Variants in SLCO4C1 observed in about 807,000 individuals in gnomAD.
The protein encoded by SLCO4C1 is solute carrier organic anion transporter family member 4C1, also known as organic anion transporter M1.
A neutral mutation model predicts 72.1 loss-of-function variants in SLCO4C1; 58 were observed. The observed-to-expected ratio is 0.80, with a 90% CI of 0.65 to 1.00. The LOEUF is 1.00. SLCO4C1 is among the 50% of genes least tolerant of loss of function. The pLI is 0.00. For missense variants in SLCO4C1, 898 were observed against 857.9 expected (o/e 1.05, Z -0.58); for synonymous variants, 297 against 312.5 (o/e 0.95, Z 0.52).
intron 1 of SLCO4C1, among the ~76,000 whole-genome samples, chr5:102,293,414 C>T (rs1449608139): frequency 6.6e-6 from 1 of 152,020 alleles, no homozygotes; most frequent in African/African-American, 2.4e-5. Context: ...CTATGCTATA[C>T]AAGTTCCAAG....
At chr5:102,270,900 T>G in intron 2 of SLCO4C1, 94 bp from the exon 3 acceptor site, 1 of 924,172 alleles carries the variant, frequency 1.1e-6, no homozygotes, top group Non-Finnish European at 1.6e-6. Context: ...TAATATAACC[T>G]TATTTATTTC....
intron 3 of SLCO4C1, among the ~76,000 whole-genome samples, chr5:102,268,994 T>A (rs1749098277): frequency 1.3e-5 from 2 of 152,014 alleles, no homozygotes; most frequent in African/African-American, 4.8e-5. Flanking sequence ...CTTAAATATA[T>A]CATCCAATTG....
At chr5:102,273,079 G>A (rs1749183398) in intron 2 of SLCO4C1, among the ~76,000 whole-genome samples, 1 of 151,976 alleles carries the variant, frequency 6.6e-6, no homozygotes, top group Admixed American at 6.6e-5. Context: ...CAGAAATGGA[G>A]GTCACCCTGG....
chr5:102,294,929 C>T (rs753216959), intron 1 of SLCO4C1, among the ~76,000 whole-genome samples: 63 of 152,300 alleles, frequency 4.1e-4, no homozygotes, highest in Non-Finnish European at 7.5e-4. Flanking sequence ...CCAATTAATC[C>T]TTGACTGATT....
Position 102,257,226 on chromosome 5 carries a change from G to T in SLCO4C1, c.1358C>A (p.Thr453Lys), listed in dbSNP as rs189281809. The part of the protein sequence containing the change: ...VSKFRMTCKN[T>K]MKFALFTSGV... ...AGATGTGAACAGTGCAAACTTCATT[G>T]TGTTTTTACATGTCATTCTGAATTT... The change falls in exon 8 of 13, where the codon ACA (threonine) becomes AAA (lysine). Residue 453 changes from threonine to lysine, a missense_variant. Transcript: ENST00000310954. The T allele has an allele frequency of 2.3e-5, 37 of 1,611,208 alleles. No homozygotes were observed. In the East Asian group the frequency reaches 6.7e-4, roughly 29 times the overall value.
chr5:102,291,457 C>T lies in SLCO4C1; in HGVS notation c.505G>A (p.Gly169Arg), dbSNP rs377159776. ...SLFVSFFGER[G>R]HKPRWLAFAA... The stretch of plus-strand genomic sequence containing the variant: ...AATGCAAGCCATCTCGGCTTATGTC[C>T]TCTTTCACCAAAGAATGATACAAAT... Residue 169 changes from glycine to arginine, a missense_variant, in exon 2 of 13, where the codon GGA becomes AGA. By Grantham distance (125) the Gly-to-Arg change is moderately radical. Transcript: ENST00000310954. 2 of 1,613,990 alleles carry T rather than the reference C, an allele frequency of 1.2e-6. No homozygotes were observed. Among genetic ancestry groups the T allele is most frequent in the African/African-American group, 2.7e-5 (2 of 74,918 alleles).
chr5:102,291,183 T>C (rs1749541368), intron 2 of SLCO4C1, among the ~76,000 whole-genome samples, 160 bp downstream of exon 2: 1 of 152,202 alleles, frequency 6.6e-6, no homozygotes, highest in South Asian at 2.1e-4. Context: ...GTCTCTCTAA[T>C]CTCCTATCTC....
intron 8 of SLCO4C1, among the ~76,000 whole-genome samples, chr5:102,255,551 A>C (rs531620022): frequency 6.6e-6 from 1 of 152,310 alleles, no homozygotes; most frequent in Admixed American, 6.5e-5. Flanking sequence ...CTAGACACAT[A>C]ATCTAAGTTC....
At chr5:102,270,586 A>T in intron 3 of SLCO4C1, 38 bp downstream of exon 3, 3 of 1,508,962 alleles carry the variant, frequency 2.0e-6, no homozygotes, top group Middle Eastern at 1.8e-4. Context: ...AAATAATAAG[A>T]TAAAGTGATA....
intron 9 of SLCO4C1, among the ~76,000 whole-genome samples, chr5:102,249,209 G>C (rs1748691183): frequency 6.6e-6 from 1 of 151,688 alleles, no homozygotes; most frequent in Non-Finnish European, 1.5e-5. Flanking sequence ...AGCTAAACAT[G>C]GATCAAAAAT....
intron 6 of SLCO4C1, among the ~76,000 whole-genome samples, chr5:102,259,839 T>C (rs984924641): frequency 6.6e-6 from 1 of 152,146 alleles, no homozygotes; most frequent in Non-Finnish European, 1.5e-5. Context: ...AAGGAACCAC[T>C]GAATATGATA....
Position 102,263,793 on chromosome 5 carries a change from C to G in SLCO4C1, c.803-13G>C. 8 of 1,599,146 alleles carry G rather than the reference C, an allele frequency of 5.0e-6. No homozygotes were observed. The highest frequency in any genetic ancestry group is 6.8e-6 in the Non-Finnish European group (8 of 1,168,164). ...GCATAACCGGTTCCTAGAAGAAGAA[C>G]AGAGACATTGAATACAGTCATATGT... is the stretch of plus-strand genomic sequence containing the variant. On this transcript the variant is annotated splice_polypyrimidine_tract_variant and intron_variant, in intron 3 of 12. Coordinates refer to ENST00000310954, the MANE Select transcript of SLCO4C1 (RefSeq NM_180991.5).
intron 12 of SLCO4C1, among the ~76,000 whole-genome samples, chr5:102,238,638 T>C (rs1748482020): frequency 6.6e-6 from 1 of 152,180 alleles, no homozygotes; most frequent in African/African-American, 2.4e-5. Flanking sequence ...TATTTTAGTT[T>C]CCTAGGTTAT....
chr5:102,239,638 T>C (rs1043361193), intron 11 of SLCO4C1, among the ~76,000 whole-genome samples: 1 of 152,024 alleles, frequency 6.6e-6, no homozygotes, highest in Non-Finnish European at 1.5e-5. Flanking sequence ...CAATATATAT[T>C]GGGCTAAAAG....
intron 5 of SLCO4C1, among the ~76,000 whole-genome samples, chr5:102,261,250 T>A (rs964115914): frequency 2.6e-5 from 4 of 151,898 alleles, no homozygotes; most frequent in African/African-American, 9.7e-5. Context: ...CCATCTCTAA[T>A]AAAAATACAA....
At chr5:102,284,632 CTTT>C (rs200671280) in intron 2 of SLCO4C1, among the ~76,000 whole-genome samples, 1 of 148,390 alleles carries the variant, frequency 6.7e-6, no homozygotes. Flanking sequence ...TAGCGTTCTT[CTTT>C]TTTTTTTTTC....
At chr5:102,285,279 A>G (rs1027194715) in intron 2 of SLCO4C1, among the ~76,000 whole-genome samples, 3 of 151,386 alleles carry the variant, frequency 2.0e-5, no homozygotes, top group East Asian at 1.9e-4. Flanking sequence ...ACACATATAT[A>G]TTTTTTTTTG....
At chr5:102,249,162 A>G (rs1236462762) in intron 9 of SLCO4C1, among the ~76,000 whole-genome samples, 1 of 152,168 alleles carries the variant, frequency 6.6e-6, no homozygotes, top group East Asian at 1.9e-4. Flanking sequence ...ACAGGTTTGA[A>G]CTGCACTGCT....
In SLCO4C1 at chr5:102,236,978, A is replaced by C. The variant is rs1356225324; in HGVS notation, c.2055T>G (p.Phe685Leu). ...GAGGTGGTTTATACAAAAAGATTGC[A>C]AATCCATTGAAGAACATGGTGATAA... ...CKVITMFFNG[F>L]AIFLYKPPPS... Residue 685 changes from phenylalanine to leucine, a missense_variant, in exon 13 of 13, where the codon TTT (phenylalanine) becomes TTG (leucine). Coordinates refer to ENST00000310954, the MANE Select transcript of SLCO4C1 (RefSeq NM_180991.5). The C allele has an allele frequency of 1.2e-6, 2 of 1,611,266 alleles. No homozygotes were observed. The highest frequency in any genetic ancestry group is 1.7e-6 in the Non-Finnish European group (2 of 1,179,474).
Sources: allele counts gnomAD v4.1 joint callset (sites outside exome capture counted in the v4.1 genomes callset), GRCh38; gene constraint gnomAD v4.1.1; transcripts MANE v1.5; gene names NCBI Gene and HGNC (gene_info 2026-07-23, HGNC 2026-07-21).